Variants in ULK4 observed in about 807,000 individuals in gnomAD.
ULK4 encodes the protein inactive serine/threonine-protein kinase ULK4.
ULK4 carries 133 observed loss-of-function variants against 160.6 expected under a neutral mutation model. That is an observed-to-expected ratio of 0.83 (90% CI 0.72 to 0.96). The LOEUF is 0.96. Ranked by LOEUF, ULK4 falls within the 40% of genes least tolerant of loss-of-function variation. The probability of loss-of-function intolerance (pLI) is 0.00; values close to 1 mark genes in which losing one functional copy is unlikely to be tolerated. For missense variants in ULK4, 1,580 were observed against 1,499.5 expected, an observed-to-expected ratio of 1.05 and a Z score of -0.89; for synonymous variants, 534 against 539.8, an observed-to-expected ratio of 0.99 and a Z score of 0.15.
At chr3:41,594,410 C>T (rs1316706510) in intron 31 of ULK4, among the ~76,000 whole-genome samples, 1 of 151,986 alleles carries the variant, frequency 6.6e-6, no homozygotes, top group African/African-American at 2.4e-5. Context: ...CATGGTGGCA[C>T]GTGCCTACAG....
At chr3:41,605,591 G>C (rs1047018840) in intron 31 of ULK4, among the ~76,000 whole-genome samples, 1 of 151,926 alleles carries the variant, frequency 6.6e-6, no homozygotes, top group Non-Finnish European at 1.5e-5. Context: ...GAATAACAGA[G>C]CTTCAAAACA....
At chr3:41,721,519 C>CA (rs1376425992) in intron 22 of ULK4, among the ~76,000 whole-genome samples, 1 of 150,642 alleles carries the variant, frequency 6.6e-6, no homozygotes, top group Non-Finnish European at 1.5e-5. Flanking sequence ...AGGCACCTGC[C>CA]ACCACGCACA....
At chr3:41,267,380 A>G (rs2079060377) in intron 35 of ULK4, among the ~76,000 whole-genome samples, 2 of 152,090 alleles carry the variant, frequency 1.3e-5, no homozygotes, top group Admixed American at 6.5e-5. Context: ...TCCATGGTGT[A>G]TATGTACCAC....
At chr3:41,323,442 A>G (rs551328585) in intron 35 of ULK4, among the ~76,000 whole-genome samples, 38 of 149,208 alleles carry the variant, frequency 2.5e-4, no homozygotes, top group African/African-American at 9.1e-4. Context: ...ACACACACCA[A>G]AAACCAAAAA....
chr3:41,866,557 C>A (rs1272047378), intron 17 of ULK4, among the ~76,000 whole-genome samples: 1 of 152,196 alleles, frequency 6.6e-6, no homozygotes, highest in Non-Finnish European at 1.5e-5. Flanking sequence ...TGACAGGAGG[C>A]AGAGCTCAGG....
intron 1 of ULK4, among the ~76,000 whole-genome samples, chr3:41,961,285 T>G (rs942455193): frequency 1.3e-5 from 2 of 152,112 alleles, no homozygotes; most frequent in African/African-American, 4.8e-5. Context: ...AGCATGAGCA[T>G]CACCTGGGAC....
At chr3:41,756,211 C>G (rs1176120291) in intron 21 of ULK4, among the ~76,000 whole-genome samples, 2 of 152,124 alleles carry the variant, frequency 1.3e-5, no homozygotes, top group African/African-American at 4.8e-5. Flanking sequence ...ACCCCAAGCT[C>G]TGTGAAAATG....
At chr3:41,587,740 A>G (rs1393125217) in intron 31 of ULK4, among the ~76,000 whole-genome samples, 4 of 152,212 alleles carry the variant, frequency 2.6e-5, no homozygotes, top group African/African-American at 9.6e-5. Context: ...TAATATTACT[A>G]TATGAATTGA....
chr3:41,388,018 C>T (rs2081862519), intron 35 of ULK4, among the ~76,000 whole-genome samples: 4 of 152,186 alleles, frequency 2.6e-5, no homozygotes, highest in Admixed American at 1.3e-4. Context: ...TATTTTTCCA[C>T]ATCCTCTCCA....
At chr3:41,706,386 T>TTATATATTATA (rs1553637328) in intron 25 of ULK4, among the ~76,000 whole-genome samples, 15 of 145,610 alleles carry the variant, frequency 1.0e-4, no homozygotes, top group African/African-American at 3.8e-4. Flanking sequence ...ATATATATAT[T>TTATATATTATA]TATATATATT....
chr3:41,310,999 AAAT>A (rs988814672), intron 35 of ULK4, among the ~76,000 whole-genome samples: 10 of 151,584 alleles, frequency 6.6e-5, no homozygotes, highest in Admixed American at 4.6e-4. Flanking sequence ...TCTCAAAAAA[AAAT>A]AATAATAATA....
intron 29 of ULK4, among the ~76,000 whole-genome samples, chr3:41,675,724 C>G (rs954851785): frequency 4.6e-5 from 7 of 152,002 alleles, no homozygotes; most frequent in African/African-American, 1.7e-4. Flanking sequence ...GGGAGAAAGC[C>G]ATATGAAAGC....
intron 32 of ULK4, among the ~76,000 whole-genome samples, chr3:41,553,103 C>G (rs763516025): frequency 3.3e-5 from 5 of 151,978 alleles, no homozygotes; most frequent in Non-Finnish European, 7.4e-5. Flanking sequence ...AAAATCAACT[C>G]AGGATAGATC....
intron 35 of ULK4, among the ~76,000 whole-genome samples, chr3:41,269,230 G>A (rs2079098078): frequency 6.6e-6 from 1 of 152,106 alleles, no homozygotes; most frequent in African/African-American, 2.4e-5. Flanking sequence ...AGTATCCCTT[G>A]TAAATGGATA....
chr3:41,653,377 CT>C (rs1324428905), intron 30 of ULK4, among the ~76,000 whole-genome samples: 3 of 152,222 alleles, frequency 2.0e-5, no homozygotes, highest in African/African-American at 7.2e-5. Context: ...CCTCTGCCCC[CT>C]GACTGGCCCT....
At chr3:41,451,747 T>C (rs1320301697) in intron 34 of ULK4, among the ~76,000 whole-genome samples, 1 of 152,126 alleles carries the variant, frequency 6.6e-6, no homozygotes, top group Non-Finnish European at 1.5e-5. Context: ...GACTAATAAA[T>C]TGTCATATTC....
At chr3:41,490,165 T>C (rs890778224) in intron 32 of ULK4, among the ~76,000 whole-genome samples, 1 of 152,190 alleles carries the variant, frequency 6.6e-6, no homozygotes, top group Non-Finnish European at 1.5e-5. Flanking sequence ...GTAGCTGGTT[T>C]AGCTTTCTAA....
chr3:41,352,754 T>C (rs886162558), intron 35 of ULK4, among the ~76,000 whole-genome samples: 2 of 152,118 alleles, frequency 1.3e-5, no homozygotes, highest in African/African-American at 2.4e-5. Flanking sequence ...CCCAGCCTCA[T>C]CTCTGCAGAG....
At chr3:41,474,123 T>G (rs2084071353) in intron 32 of ULK4, among the ~76,000 whole-genome samples, 4 of 151,972 alleles carry the variant, frequency 2.6e-5, no homozygotes, top group African/African-American at 7.3e-5. Context: ...TACAAAGCAA[T>G]AGTAACTTAA....
Sources: gnomAD v4.1 joint callset for allele counts (sites outside exome capture counted in the v4.1 genomes callset) on GRCh38, gnomAD v4.1.1 for gene constraint, MANE v1.5 for transcripts, NCBI Gene and HGNC (gene_info 2026-07-23, HGNC 2026-07-21) for gene names.